Variants in ITPRID1 observed in about 807,000 individuals in gnomAD.
ITPRID1 encodes the protein ITPR interacting domain containing 1.
A neutral mutation model predicts 95.4 loss-of-function variants in ITPRID1; 96 were observed. The ratio of observed to expected loss-of-function variants is 1.01; its 90% CI spans 0.85 to 1.19. ITPRID1 has a LOEUF of 1.19. ITPRID1 is among the 50% of genes most tolerant of loss of function. The pLI is 0.00. For missense variants in ITPRID1, 1,339 were observed against 1,252.9 expected, an observed-to-expected ratio of 1.07 and a Z score of -1.04; for synonymous variants, 510 against 453.6, an observed-to-expected ratio of 1.12 and a Z score of -1.58.
At chr7:31,652,181 C>A in intron 14 of ITPRID1, 131 bp downstream of exon 14, 1 of 760,168 alleles carries the variant, frequency 1.3e-6, no homozygotes, top group Non-Finnish European at 2.2e-6. Context: ...TTTAAGTATA[C>A]AGAGAAGTAC....
intron 10 of ITPRID1, among the ~76,000 whole-genome samples, chr7:31,638,351 C>G (rs1398014037): frequency 6.6e-6 from 1 of 152,120 alleles, no homozygotes; most frequent in Admixed American, 6.5e-5. Flanking sequence ...CACTAAACAG[C>G]TGTTCTATTA....
intron 5 of ITPRID1, among the ~76,000 whole-genome samples, chr7:31,563,704 G>A (rs962842943): frequency 5.9e-5 from 9 of 152,004 alleles, no homozygotes; most frequent in South Asian, 2.1e-4. Context: ...GGGGGAACAC[G>A]TTGGGAAGAA....
intron 12 of ITPRID1, among the ~76,000 whole-genome samples, chr7:31,645,208 A>G (rs890426631): frequency 6.6e-6 from 1 of 152,194 alleles, no homozygotes; most frequent in East Asian, 1.9e-4. Context: ...AAATATCTAA[A>G]TCTATGTAAG....
At chr7:31,525,695 G>T (rs568379213) in intron 1 of ITPRID1, among the ~76,000 whole-genome samples, 1 of 152,092 alleles carries the variant, frequency 6.6e-6, no homozygotes, top group East Asian at 1.9e-4. Flanking sequence ...TAACTCTAAG[G>T]GGGGAAATAC....
intron 5 of ITPRID1, among the ~76,000 whole-genome samples, chr7:31,557,388 T>C (rs1028551872): frequency 1.3e-5 from 2 of 151,994 alleles, no homozygotes; most frequent in African/African-American, 2.4e-5. Flanking sequence ...CCAAATAACA[T>C]AGATAGTTGG....
At chr7:31,619,808 G>A (rs1016607523) in intron 10 of ITPRID1, among the ~76,000 whole-genome samples, 2 of 152,150 alleles carry the variant, frequency 1.3e-5, no homozygotes, top group Non-Finnish European at 2.9e-5. Context: ...GCGAGGCATT[G>A]CCTCCCTCGG....
chr7:31,596,085 G>A (rs1032320240), intron 10 of ITPRID1, among the ~76,000 whole-genome samples: 32 of 151,080 alleles, frequency 2.1e-4, no homozygotes, highest in African/African-American at 7.5e-4. Context: ...TAAAATTTGT[G>A]TTATCAAATT....
intron 10 of ITPRID1, among the ~76,000 whole-genome samples, chr7:31,622,823 G>C (rs1031344911): frequency 3.9e-5 from 6 of 152,206 alleles, no homozygotes; most frequent in South Asian, 4.1e-4. Flanking sequence ...CCAGGAGCTG[G>C]TTTTTTGAAA....
intron 9 of ITPRID1, among the ~76,000 whole-genome samples, chr7:31,578,951 C>T (rs955719304): frequency 6.6e-6 from 1 of 152,118 alleles, no homozygotes; most frequent in Non-Finnish European, 1.5e-5. Flanking sequence ...ATGTTTCCCC[C>T]ACAATGCCTA....
rs75418414 is a variant in ITPRID1 at position 31,556,166 on chromosome 7, A to G, written c.256+1265A>G. Among the ~76,000 whole-genome samples the G allele has an allele frequency of 4.9e-3, 745 of 152,228 alleles. 6 individuals are homozygous for G. Among genetic ancestry groups the G allele is most frequent in the African/African-American group, 0.017 (711 of 41,542 alleles). On this transcript the variant is annotated intron_variant, in intron 5 of 14. Coordinates refer to ENST00000615280, the MANE Select transcript of ITPRID1 (RefSeq NM_001257967.3). ...CAAATCACAGCTCTTCCTCTTCTGA[A>G]CCAAGTCAATGAACTGGAAAGGCAC...
At chr7:31,565,500 C>T (rs1192228274) in intron 5 of ITPRID1, among the ~76,000 whole-genome samples, 2 of 152,120 alleles carry the variant, frequency 1.3e-5, no homozygotes, top group African/African-American at 4.8e-5. Flanking sequence ...CTTTGGGAAG[C>T]CACAGTGGGC....
chr7:31,575,372 C>G (rs1785144570), intron 8 of ITPRID1, among the ~76,000 whole-genome samples: 1 of 152,216 alleles, frequency 6.6e-6, no homozygotes, highest in African/African-American at 2.4e-5. Flanking sequence ...CCTGATTTAA[C>G]TATGTCTAAA....
At chr7:31,658,470 G>C, downstream of ITPRID1, 1 of 1,288,422 alleles carries the variant, frequency 7.8e-7, no homozygotes. Flanking sequence ...TTGTAAAGAG[G>C]TTAGAGTATC....
At chr7:31,645,468 A>G (rs551829928) in intron 12 of ITPRID1, among the ~76,000 whole-genome samples, 161 of 152,298 alleles carry the variant, frequency 1.1e-3, no homozygotes, top group African/African-American at 3.7e-3. Flanking sequence ...GATCAGTTCT[A>G]GGTATATTTT....
chr7:31,517,795 GGCCAGA>G (rs2128125887), intron 1 of ITPRID1: 1 of 152,532 alleles, frequency 6.6e-6, no homozygotes, highest in East Asian at 1.9e-4. Flanking sequence ...CCTCGAGCGT[GGCCAGA>G]GCAGACGCCG....
chr7:31,549,526 TA>T, intron 2 of ITPRID1, 27 bp downstream of exon 2: 1 of 1,487,414 alleles, frequency 6.7e-7, no homozygotes, highest in Non-Finnish European at 9.0e-7. Flanking sequence ...TATTTTTCAT[TA>T]AATTTTCCCA....
At chr7:31,588,623 C>G (rs925974065) in intron 10 of ITPRID1, among the ~76,000 whole-genome samples, 1 of 558 alleles carries the variant, frequency 1.8e-3, no homozygotes. Flanking sequence ...CAGAGTGATA[C>G]TCTGTCTCAA....
Position 31,551,878 on chromosome 7 carries a change from G to A in ITPRID1, c.-23-1124G>A, listed in dbSNP as rs191286693. ...GCTACTTGGCCATTTCTGTAAACTT[G>A]AAGGATAAACGAATGCAAATTAAAG... On this transcript the variant is annotated intron_variant, in intron 2 of 14. Transcript: ENST00000615280. The A allele has an allele frequency of 1.7e-4, 70 of 412,122 alleles. 11 individuals are homozygous for A. Among genetic ancestry groups the A allele is most frequent in the Admixed American group, 9.0e-4 (34 of 37,938 alleles). The allele number at this position is 412,122 out of a possible 1,614,324, so 25.5% of individuals were successfully genotyped here.
intron 10 of ITPRID1, among the ~76,000 whole-genome samples, chr7:31,616,508 G>A (rs1787244205): frequency 6.6e-6 from 1 of 152,120 alleles, no homozygotes; most frequent in African/African-American, 2.4e-5. Flanking sequence ...GTATGGGGGT[G>A]GGACCCTGAG....
Sources: gnomAD v4.1 joint callset for allele counts (sites outside exome capture counted in the v4.1 genomes callset) on GRCh38, gnomAD v4.1.1 for gene constraint, MANE v1.5 for transcripts, NCBI Gene and HGNC (gene_info 2026-07-23, HGNC 2026-07-21) for gene names.